Variants in JHY observed in about 807,000 individuals in gnomAD.
JHY encodes the protein junctional cadherin complex regulator.
In JHY, 69 loss-of-function variants were observed where a neutral mutation model predicts 78.0. The observed-to-expected ratio is 0.88, with a 90% CI of 0.73 to 1.08. The LOEUF (loss-of-function observed/expected upper bound fraction) is 1.08, where lower values mean the gene tolerates loss of function less well. JHY is among the 50% of genes least tolerant of loss of function. The pLI is 0.00. For missense variants in JHY, 944 were observed against 927.8 expected, an observed-to-expected ratio of 1.02 and a Z score of -0.23; for synonymous variants, 368 against 342.6, an observed-to-expected ratio of 1.07 and a Z score of -0.82.
chr11:122,893,172 T>C (rs1270425156), intron 2 of JHY, among the ~76,000 whole-genome samples: 3 of 152,238 alleles, frequency 2.0e-5, no homozygotes, highest in Admixed American at 6.5e-5. Context: ...CTAGTATTTA[T>C]TTATTTATTT....
intron 4 of JHY, among the ~76,000 whole-genome samples, chr11:122,931,794 A>C (rs1863641957): frequency 6.6e-6 from 1 of 152,186 alleles, no homozygotes. Flanking sequence ...GTGAAAAGGA[A>C]AGCCGTAAAA....
In JHY at chr11:122,956,511, G is replaced by T. The variant is rs747194418; in HGVS notation, c.1945G>T (p.Gly649Cys). 120 of 1,613,382 alleles carry T rather than the reference G, an allele frequency of 7.4e-5. No individual in the cohort carries two copies. Among genetic ancestry groups the T allele is most frequent in the Non-Finnish European group, 9.9e-5 (117 of 1,179,616 alleles). ...RSSSKNTKLKGYQKRDVKLGG... is the reference protein window; with the variant it reads ...RSSSKNTKLKCYQKRDVKLGG... The stretch of plus-strand genomic sequence containing the variant: ...GTATTTTTAGAACACCAAGCTGAAA[G>T]GTTATCAGAAAAGAGACGTGAAGCT... Residue 649 changes from glycine to cysteine, a missense_variant, in exon 7 of 9, where the codon GGT becomes TGT. Coordinates refer to ENST00000227349, the MANE Select transcript of JHY (RefSeq NM_024806.4).
At chr11:122,919,446 T>C (rs551587750) in intron 3 of JHY, among the ~76,000 whole-genome samples, 23 of 148,754 alleles carry the variant, frequency 1.5e-4, no homozygotes, top group African/African-American at 5.7e-4. Flanking sequence ...TGCAAAGACC[T>C]AGAGACAATG....
intron 2 of JHY, among the ~76,000 whole-genome samples, chr11:122,899,564 T>A (rs986188261): frequency 6.6e-6 from 1 of 152,236 alleles, no homozygotes; most frequent in African/African-American, 2.4e-5. Flanking sequence ...AAAGGAGTTA[T>A]TTATTCAAGA....
chr11:122,897,179 A>G (rs1862756692), intron 2 of JHY, among the ~76,000 whole-genome samples: 2 of 152,110 alleles, frequency 1.3e-5, no homozygotes, highest in East Asian at 1.9e-4. Context: ...TAGTTTGCAT[A>G]GTCCTCTCAA....
intron 3 of JHY, among the ~76,000 whole-genome samples, chr11:122,913,539 A>G (rs1332861277): frequency 6.6e-6 from 1 of 151,830 alleles, no homozygotes; most frequent in African/African-American, 2.4e-5. Flanking sequence ...GCCTGGCCAT[A>G]CTCCAGGAAC....
rs956493811 is a variant in JHY, at chr11:122,962,194, A to C, written c.*2749A>C. Reference sequence around the variant, plus strand: ...AGTTTAATTTTCTACTTCCTTCCTTATATTAGATGGACATTACATTTTTAG... The same window carrying C: ...AGTTTAATTTTCTACTTCCTTCCTTCTATTAGATGGACATTACATTTTTAG... On this transcript the variant is annotated 3_prime_UTR_variant, in exon 9 of 9. Coordinates refer to ENST00000227349, the MANE Select transcript of JHY (RefSeq NM_024806.4). Among the ~76,000 whole-genome samples, 1 of 152,158 alleles carries C rather than the reference A, an allele frequency of 6.6e-6. No individual in the cohort carries two copies. The highest frequency in any genetic ancestry group is 1.5e-5 in the Non-Finnish European group (1 of 68,022).
At chr11:122,933,905 A>G (rs1384748695) in intron 4 of JHY, among the ~76,000 whole-genome samples, 1 of 152,194 alleles carries the variant, frequency 6.6e-6, no homozygotes, top group Non-Finnish European at 1.5e-5. Context: ...CTTTCTCCGT[A>G]TCTCTCGAAG....
intron 2 of JHY, among the ~76,000 whole-genome samples, chr11:122,892,521 A>G (rs1036012603): frequency 6.6e-6 from 1 of 152,008 alleles, no homozygotes; most frequent in African/African-American, 2.4e-5. Context: ...ACAGGGTTTC[A>G]CCGTGTTAGT....
At chr11:122,916,796 G>T (rs1469010778) in intron 3 of JHY, among the ~76,000 whole-genome samples, 2 of 151,762 alleles carry the variant, frequency 1.3e-5, no homozygotes, top group Non-Finnish European at 2.9e-5. Context: ...CTGCCATGAC[G>T]CCCAGCTAAA....
chr11:122,938,976 C>T (rs1863813775), intron 5 of JHY, among the ~76,000 whole-genome samples: 1 of 150,498 alleles, frequency 6.6e-6, no homozygotes, highest in Non-Finnish European at 1.5e-5. Context: ...TGGAGATCCG[C>T]CTGCTTCTTC....
At position 122,895,599 on chromosome 11, in the gene JHY, C is replaced by T. The variant is rs187847054; in HGVS notation, c.345-8326C>T. ...TCATGGCATATGCATGTGAAACCGT[C>T]CCCCACTCCCTTCCTCTCTGCCTCC... On this transcript the variant is annotated intron_variant, in intron 2 of 8. Coordinates refer to ENST00000227349, the MANE Select transcript of JHY (RefSeq NM_024806.4). Among the ~76,000 whole-genome samples the T allele has an allele frequency of 6.6e-5, 10 of 152,296 alleles. No individual in the cohort carries two copies. In the East Asian group the frequency reaches 1.5e-3, roughly 23 times the overall value.
rs926284046 is a variant in JHY at position 122,935,283 on chromosome 11, G to A, written c.1634+208G>A. Among the ~76,000 whole-genome samples the A allele has an allele frequency of 6.6e-6, 1 of 151,650 alleles. No individual in the cohort carries two copies. The highest frequency in any genetic ancestry group is 1.5e-5 in the Non-Finnish European group (1 of 67,966). ...AGATTCTTGCTCTGTTGCCCAGGCTGGAGTGCAGTGGTGCCATCTTGGCTC... is the reference window on the plus strand; with the variant it reads ...AGATTCTTGCTCTGTTGCCCAGGCTAGAGTGCAGTGGTGCCATCTTGGCTC... On this transcript the variant is annotated intron_variant, in intron 5 of 8. Coordinates refer to ENST00000227349, the MANE Select transcript of JHY (RefSeq NM_024806.4). This position sits in a 1 kb window ranked among gnomAD's most constrained non-coding sequence, Gnocchi z 4.5.
At position 122,961,052 on chromosome 11, in the gene JHY, G is replaced by A. The variant is rs1405547225; in HGVS notation, c.*1607G>A. The A allele has an allele frequency of 2.8e-6, 3 of 1,076,324 alleles. No homozygotes were observed. The African/African-American group carries it at 4.7e-5, about 17-fold the overall frequency. 66.7% of individuals were successfully genotyped at this position (1,076,324 alleles called of 1,614,324 possible). ...CCAAGTGCATTTGGGACCTAAAGCTGTTGGCAAAGAAGACTCATGCACAGC... is the reference window on the plus strand; with the variant it reads ...CCAAGTGCATTTGGGACCTAAAGCTATTGGCAAAGAAGACTCATGCACAGC... On this transcript the variant is annotated 3_prime_UTR_variant, in exon 9 of 9. Coordinates refer to ENST00000227349, the MANE Select transcript of JHY (RefSeq NM_024806.4).
chr11:122,888,306 A>T (rs1314933824), intron 2 of JHY, among the ~76,000 whole-genome samples: 1 of 152,182 alleles, frequency 6.6e-6, no homozygotes, highest in Non-Finnish European at 1.5e-5. Flanking sequence ...GTGCATTTTG[A>T]ATTAGAGACT....
chr11:122,931,515 A>G (rs952759043), intron 4 of JHY, among the ~76,000 whole-genome samples: 25 of 152,210 alleles, frequency 1.6e-4, no homozygotes, highest in African/African-American at 6.0e-4. Context: ...GAGCCAATTA[A>G]TATTTTTGCT....
chr11:122,923,983 C>T (rs1368851423), intron 3 of JHY, among the ~76,000 whole-genome samples: 2 of 150,806 alleles, frequency 1.3e-5, no homozygotes, highest in African/African-American at 4.9e-5. Flanking sequence ...GTGATCCACC[C>T]ACCTTGGCTT....
At position 122,939,144 on chromosome 11, in the gene JHY, C is replaced by T. The variant is rs561010168; in HGVS notation, c.1634+4069C>T. ...CTGGGACTACAGACGCCCATCACCA[C>T]GCCTGGCTAGTTTTTGGATTTTTGG... On this transcript the variant is annotated intron_variant, in intron 5 of 8. Transcript: ENST00000227349. 3.5e-4 allele frequency among the ~76,000 whole-genome samples: 54 copies of T among 152,208 alleles called. No homozygotes were observed. In the South Asian group the frequency reaches 8.1e-3, roughly 23 times the overall value.
At chr11:122,903,808 T>C in intron 2 of JHY, 117 bp from the exon 3 acceptor site, 1 of 1,374,798 alleles carries the variant, frequency 7.3e-7, no homozygotes. Context: ...ATACAGATAA[T>C]AAAAGGAAAA....
Sources: gnomAD v4.1 joint callset for allele counts (sites outside exome capture counted in the v4.1 genomes callset) on GRCh38, gnomAD v4.1.1 for gene constraint, Gnocchi (gnomAD v3.1) non-coding constraint, MANE v1.5 for transcripts, NCBI Gene and HGNC (gene_info 2026-07-23, HGNC 2026-07-21) for gene names.